Variants in SIK3 observed in about 807,000 individuals in gnomAD.
SIK3 encodes the protein SIK family kinase 3.
In SIK3, 28 loss-of-function variants were observed where a neutral mutation model predicts 144.2. The ratio of observed to expected loss-of-function variants is 0.19; its 90% CI spans 0.14 to 0.27. The LOEUF (loss-of-function observed/expected upper bound fraction) is 0.27. SIK3 is among the 10% of genes least tolerant of loss of function. The pLI is 1.00. For missense variants in SIK3, 1,319 were observed against 1,776.0 expected, an observed-to-expected ratio of 0.74 and a Z score of 4.62; for synonymous variants, 686 against 676.3, an observed-to-expected ratio of 1.01 and a Z score of -0.22.
At chr11:116,896,483 G>A in intron 5 of SIK3, 107 bp from the exon 6 acceptor site, 1 of 1,235,982 alleles carries the variant, frequency 8.1e-7, no homozygotes, top group Non-Finnish European at 1.1e-6. Context: ...TACGATTATG[G>A]AACAAACTTT....
intron 6 of SIK3, among the ~76,000 whole-genome samples, chr11:116,894,912 T>C (rs1444668580): frequency 6.6e-6 from 1 of 152,222 alleles, no homozygotes; most frequent in African/African-American, 2.4e-5. Context: ...CCTTTTAGCC[T>C]ACCGGCAACA....
intron 6 of SIK3, among the ~76,000 whole-genome samples, chr11:116,879,167 T>G (rs1944420161): frequency 6.6e-6 from 1 of 152,214 alleles, no homozygotes; most frequent in Non-Finnish European, 1.5e-5. Flanking sequence ...CAAATGAGAT[T>G]GTAATTGTGA....
chr11:116,938,564 AGGG>A (rs1565475729), intron 3 of SIK3, among the ~76,000 whole-genome samples: 1 of 43,312 alleles, frequency 2.3e-5, no homozygotes, highest in East Asian at 1.1e-3. Flanking sequence ...AGGGGAGGGG[AGGG>A]GAGGGGAGGG....
intron 1 of SIK3, among the ~76,000 whole-genome samples, chr11:117,022,364 A>AT (rs1431780590): frequency 2.0e-5 from 3 of 152,258 alleles, no homozygotes. Context: ...AAAGACAATT[A>AT]TTTAATAGTG....
intron 1 of SIK3, among the ~76,000 whole-genome samples, chr11:117,095,015 C>T (rs531579069): frequency 6.6e-6 from 1 of 151,966 alleles, no homozygotes; most frequent in Admixed American, 6.6e-5. Flanking sequence ...ATAGGAAAAG[C>T]TTCACTTTTC....
At chr11:116,918,489 C>G (rs1026081141) in intron 4 of SIK3, among the ~76,000 whole-genome samples, 1 of 151,316 alleles carries the variant, frequency 6.6e-6, no homozygotes, top group Admixed American at 6.6e-5. Flanking sequence ...CCCCCTTTTT[C>G]TAATTATCCC....
At chr11:117,040,948 C>CTT (rs369066520) in intron 1 of SIK3, among the ~76,000 whole-genome samples, 15,091 of 116,638 alleles carry the variant, frequency 0.13, 1,023 homozygotes, top group Admixed American at 0.18. Context: ...TACCTGCCTC[C>CTT]TTTTTTTTTT....
intron 13 of SIK3, among the ~76,000 whole-genome samples, chr11:116,871,747 A>C (rs1232837163): frequency 1.3e-5 from 2 of 152,196 alleles, no homozygotes; most frequent in Non-Finnish European, 1.5e-5. Context: ...GCAAATAAGA[A>C]AGACAAGAGT....
At chr11:116,963,547 A>G (rs1949422279) in intron 1 of SIK3, among the ~76,000 whole-genome samples, 1 of 152,226 alleles carries the variant, frequency 6.6e-6, no homozygotes, top group Non-Finnish European at 1.5e-5. Flanking sequence ...TATGAATGAA[A>G]AGTGAAAATA....
chr11:117,063,675 T>A (rs1180161266), intron 1 of SIK3, among the ~76,000 whole-genome samples: 2 of 150,582 alleles, frequency 1.3e-5, no homozygotes, highest in Non-Finnish European at 3.0e-5. Context: ...AACCTCTGTC[T>A]CCCGGGCCTC....
intron 3 of SIK3, among the ~76,000 whole-genome samples, chr11:116,943,050 C>A (rs184084298): frequency 6.6e-5 from 10 of 152,178 alleles, no homozygotes; most frequent in Admixed American, 6.5e-4. Flanking sequence ...TGATTGAATT[C>A]AGCATATATA....
intron 1 of SIK3, among the ~76,000 whole-genome samples, chr11:117,061,679 C>A (rs1203837293): frequency 3.9e-5 from 6 of 152,164 alleles, no homozygotes; most frequent in Admixed American, 2.0e-4. Context: ...TCCAGCCCTA[C>A]TGAGTCTTCA....
At position 116,849,809 on chromosome 11, in the gene SIK3, C is replaced by T. The variant is rs972216021; in HGVS notation, c.3656-526G>A. Among the ~76,000 whole-genome samples the T allele has an allele frequency of 2.6e-5, 4 of 152,168 alleles. No individual in the cohort carries two copies. The highest frequency in any genetic ancestry group is 6.5e-5 in the Admixed American group (1 of 15,284). On this transcript the variant is annotated intron_variant, in intron 21 of 24. Transcript: ENST00000445177. This position sits in a 1 kb window ranked among gnomAD's most constrained non-coding sequence, Gnocchi z 4.2. ...TCTCCACATTTTTGTCCTTGACCTT[C>T]TCTCTCCCCACACTTACTCTGGCAA... is the stretch of plus-strand genomic sequence containing the variant.
At chr11:116,928,608 G>C (rs1400158444) in intron 3 of SIK3, among the ~76,000 whole-genome samples, 2 of 152,164 alleles carry the variant, frequency 1.3e-5, no homozygotes, top group African/African-American at 2.4e-5. Context: ...ATATTTACTA[G>C]CAATAACTGC....
intron 1 of SIK3, among the ~76,000 whole-genome samples, chr11:117,009,252 T>C (rs560543333): frequency 5.0e-4 from 60 of 118,922 alleles, no homozygotes; most frequent in African/African-American, 1.9e-3. Context: ...AAAAAAAAAA[T>C]CTATGATGCA....
intron 1 of SIK3, among the ~76,000 whole-genome samples, chr11:117,081,405 C>G (rs1954780008): frequency 6.6e-6 from 1 of 152,156 alleles, no homozygotes; most frequent in South Asian, 2.1e-4. Context: ...AGGCGGATCA[C>G]AAGGTCAGGA....
rs563845661 is a variant in SIK3, at chr11:116,965,931, T to C, written c.274-8867A>G. ...GCCTGGGTGACAGAGCAAGACTCCG[T>C]CTCAAAAAAAAAAAGAGGGAAGAGC... On this transcript the variant is annotated intron_variant, in intron 1 of 24. Transcript: ENST00000445177. 3.5e-5 allele frequency among the ~76,000 whole-genome samples: 5 copies of C among 143,716 alleles called. No homozygotes were observed. In the Admixed American group the frequency reaches 3.5e-4, roughly 10 times the overall value. 94.3% of individuals were successfully genotyped at this position (143,716 alleles called of 152,430 possible).
chr11:116,996,591 G>A (rs571694973), intron 1 of SIK3, among the ~76,000 whole-genome samples: 11 of 151,704 alleles, frequency 7.3e-5, no homozygotes, highest in East Asian at 5.9e-4. Context: ...AGCCCAAGGC[G>A]GGTGGATCAC....
At chr11:117,075,332 A>G (rs1362188406) in intron 1 of SIK3, among the ~76,000 whole-genome samples, 1 of 152,184 alleles carries the variant, frequency 6.6e-6, no homozygotes, top group Non-Finnish European at 1.5e-5. Flanking sequence ...AAATAAGCTG[A>G]ACCATTAATG....
Sources: gnomAD v4.1 joint callset for allele counts (sites outside exome capture counted in the v4.1 genomes callset) on GRCh38, gnomAD v4.1.1 for gene constraint, Gnocchi (gnomAD v3.1) non-coding constraint, MANE v1.5 for transcripts, NCBI Gene and HGNC (gene_info 2026-07-23, HGNC 2026-07-21) for gene names.